The following NUP35 variants were observed in gnomAD, a reference collection of about 807,000 sequenced individuals.
NUP35 encodes the protein nucleoporin 35, also known as nucleoporin NUP35.
NUP35 carries 25 observed loss-of-function variants against 41.5 expected under a neutral mutation model. The ratio of observed to expected loss-of-function variants is 0.60; its 90% CI spans 0.44 to 0.84. The LOEUF (loss-of-function observed/expected upper bound fraction) is 0.84. Among genes scored for constraint, NUP35 ranks in the 40% least tolerant of loss-of-function variants. The probability of loss-of-function intolerance (pLI) is 0.00; values close to 1 mark genes in which losing one functional copy is unlikely to be tolerated. For synonymous variants in NUP35, 149 were observed against 130.7 expected, an observed-to-expected ratio of 1.14 and a Z score of -0.96; for missense variants, 396 against 396.6, an observed-to-expected ratio of 1.00 and a Z score of 0.01.
chr2:183,123,810 G>T, upstream of NUP35: 1 of 985,400 alleles, frequency 1.0e-6, no homozygotes. Context: ...AGATTCCGCG[G>T]TGTGGAGGGT....
At chr2:183,160,257 A>G (rs1477507878) in intron 8 of NUP35, 1 of 152,292 alleles carries the variant, frequency 6.6e-6, no homozygotes, top group Non-Finnish European at 1.5e-5. Flanking sequence ...GTGCTTTAGT[A>G]GGGCAGATAG....
intron 2 of NUP35, among the ~76,000 whole-genome samples, chr2:183,129,219 G>GC (rs200067686): frequency 5.4e-5 from 7 of 129,384 alleles, no homozygotes; most frequent in Admixed American, 8.1e-5. Flanking sequence ...AGGAAACTTG[G>GC]GGGGGAGGTT....
At chr2:183,132,047 A>G (rs965471583) in intron 3 of NUP35, among the ~76,000 whole-genome samples, 22 of 151,980 alleles carry the variant, frequency 1.4e-4, no homozygotes, top group African/African-American at 4.8e-4. Context: ...TTTTTGAGAC[A>G]GGGTCTTGCT....
intron 8 of NUP35, 64 bp downstream of exon 8, chr2:183,159,716 T>G: frequency 7.0e-6 from 9 of 1,283,510 alleles, no homozygotes; most frequent in Admixed American, 1.9e-5. Flanking sequence ...ATGCTTAACT[T>G]TTTCATTGTA....
upstream of NUP35, chr2:183,124,431 C>T: frequency 6.2e-7 from 1 of 1,614,140 alleles, no homozygotes; most frequent in Non-Finnish European, 8.5e-7. Context: ...TGGGAAGGTA[C>T]TGGTTTTAAG....
At chr2:183,119,721 G>A (rs764388783), upstream of NUP35, among the ~76,000 whole-genome samples, 10 of 152,130 alleles carry the variant, frequency 6.6e-5, no homozygotes, top group Non-Finnish European at 1.3e-4. Flanking sequence ...GTCCAGCTCT[G>A]TGGCCTAGGC....
At chr2:183,128,505 A>G (rs79968280) in intron 2 of NUP35, 48 bp downstream of exon 2, 82,611 of 1,465,388 alleles carry the variant, frequency 0.056, 2,906 homozygotes, top group South Asian at 0.16. Flanking sequence ...AGATACAGGG[A>G]TGTCCAATTT....
chr2:183,138,985 T>C (rs769424060), intron 4 of NUP35, among the ~76,000 whole-genome samples: 4 of 152,126 alleles, frequency 2.6e-5, no homozygotes, highest in Non-Finnish European at 5.9e-5. Context: ...TCTGTTTGGC[T>C]CTCATCTGTC....
chr2:183,142,303 C>G (rs1274078300), intron 4 of NUP35, among the ~76,000 whole-genome samples: 1 of 151,996 alleles, frequency 6.6e-6, no homozygotes, highest in East Asian at 1.9e-4. Context: ...TTGATAATTG[C>G]TTTCTCTCTG....
chr2:183,145,768 A>G, intron 4 of NUP35, among the ~76,000 whole-genome samples: 1 of 152,220 alleles, frequency 6.6e-6, no homozygotes, highest in East Asian at 1.9e-4. Flanking sequence ...TACAGCACAA[A>G]TATTAATTTA....
At chr2:183,141,267 G>A (rs1473214163) in intron 4 of NUP35, among the ~76,000 whole-genome samples, 3 of 151,978 alleles carry the variant, frequency 2.0e-5, no homozygotes, top group Non-Finnish European at 4.4e-5. Context: ...AAGGATACTT[G>A]TGGTTACATA....
At chr2:183,130,273 A>G in intron 2 of NUP35, 145 bp from the exon 3 acceptor site, 1 of 777,016 alleles carries the variant, frequency 1.3e-6, no homozygotes, top group African/African-American at 1.8e-5. Flanking sequence ...AATTTTAACA[A>G]GGTCCCCAGG....
At chr2:183,122,633 G>T (rs966000292), upstream of NUP35, among the ~76,000 whole-genome samples, 1 of 151,962 alleles carries the variant, frequency 6.6e-6, no homozygotes, top group Non-Finnish European at 1.5e-5. Flanking sequence ...AATTTGTATA[G>T]AAATTTCTTT....
intron 4 of NUP35, among the ~76,000 whole-genome samples, chr2:183,151,024 A>C (rs554684776): frequency 6.6e-6 from 1 of 152,362 alleles, no homozygotes; most frequent in East Asian, 1.9e-4. Context: ...ATAAAAGAAA[A>C]TTGCATTCAC....
rs145672097 is a variant in NUP35 at position 183,125,797 on chromosome 2, C to G, written c.40+1300C>G. ...TTTAAGTCCACATTTTGCAGATATT[C>G]CAGGTGCCCACTGGTGTAGTAAAAC... On this transcript the variant is annotated intron_variant, in intron 1 of 8. Coordinates refer to ENST00000295119, the MANE Select transcript of NUP35 (RefSeq NM_138285.5). 2.0e-4 allele frequency among the ~76,000 whole-genome samples: 30 copies of G among 152,294 alleles called. 1 individual carries two copies. The East Asian group carries it at 5.8e-3, about 29-fold the overall frequency.
In NUP35 at chr2:183,135,563, T is replaced by G. The variant is rs147936308; in HGVS notation, c.397+1940T>G. Among the ~76,000 whole-genome samples the G allele has an allele frequency of 1.2e-3, 181 of 152,292 alleles. 1 individual carries two copies. The highest frequency in any genetic ancestry group is 6.8e-3 in the Middle Eastern group (2 of 294). ...GTTCAACTAGTTTGGGAGTAAAAGT[T>G]AGCTTAGAAGCAAGGAGACAAGTTA... On this transcript the variant is annotated intron_variant, in intron 4 of 8. Transcript: ENST00000295119.
chr2:183,128,936 C>T (rs1040778237), intron 2 of NUP35, among the ~76,000 whole-genome samples: 6 of 152,078 alleles, frequency 3.9e-5, no homozygotes, highest in African/African-American at 1.2e-4. Context: ...TTTTAAGTAC[C>T]ACTAGGAAAG....
Position 183,134,177 on chromosome 2 carries a change from C to G in NUP35, c.397+554C>G, listed in dbSNP as rs1684798740. Among the ~76,000 whole-genome samples the G allele has an allele frequency of 2.0e-5, 3 of 152,170 alleles. No individual in the cohort carries two copies. The South Asian group carries it at 6.2e-4, about 31-fold the overall frequency. ...AATCATCATTATGCTTAGCACAGTT[C>G]TTCATATGTCGTCATATGTGTATAA... On this transcript the variant is annotated intron_variant, in intron 4 of 8. Coordinates refer to ENST00000295119, the MANE Select transcript of NUP35 (RefSeq NM_138285.5).
Position 183,140,535 on chromosome 2 carries a change from T to C in NUP35, c.397+6912T>C, listed in dbSNP as rs545768300. Among the ~76,000 whole-genome samples the C allele has an allele frequency of 2.6e-5, 4 of 152,290 alleles. No homozygotes were observed. In the South Asian group the frequency reaches 6.2e-4, roughly 24 times the overall value. ...TTTTAGTCAAAATAATAAATTCAGA[T>C]GGTTTTAGAAAATTAAATAGAACTT... On this transcript the variant is annotated intron_variant, in intron 4 of 8. Transcript: ENST00000295119.
Sources: gnomAD v4.1 joint callset for allele counts (sites outside exome capture counted in the v4.1 genomes callset) on GRCh38, gnomAD v4.1.1 for gene constraint, MANE v1.5 for transcripts, NCBI Gene and HGNC (gene_info 2026-07-23, HGNC 2026-07-21) for gene names.